The following SLC24A2 variants were observed in gnomAD, a reference collection of about 807,000 sequenced individuals.
The protein encoded by SLC24A2 is sodium/potassium/calcium exchanger 2.
A neutral mutation model predicts 62.0 loss-of-function variants in SLC24A2; 36 were observed. That is an observed-to-expected ratio of 0.58 (90% CI 0.44 to 0.77). The LOEUF is 0.77. Among genes scored for constraint, SLC24A2 ranks in the 30% least tolerant of loss-of-function variants. The pLI, the probability that SLC24A2 is intolerant of heterozygous loss-of-function variation, is 0.00. For missense variants in SLC24A2, 846 were observed against 817.9 expected (o/e 1.03, Z -0.42); for synonymous variants, 358 against 294.0 (o/e 1.22, Z -2.23).
At chr9:19,801,882 C>T in the SLC24A2 span, among the ~76,000 whole-genome samples, 3 of 152,046 alleles carry the variant, frequency 2.0e-5, no homozygotes, top group Non-Finnish European at 2.9e-5. Context: ...TTCTATAAAC[C>T]AAGAACATAT....
chr9:20,234,799 G>A, the SLC24A2 span, among the ~76,000 whole-genome samples: 17 of 152,288 alleles, frequency 1.1e-4, 1 homozygote, highest in South Asian at 4.1e-4. Context: ...GAGGAGAGGC[G>A]CTCTGATTTT....
At chr9:19,532,127 G>A (rs760369956) in intron 8 of SLC24A2, among the ~76,000 whole-genome samples, 1 of 152,076 alleles carries the variant, frequency 6.6e-6, no homozygotes, top group South Asian at 2.1e-4. Context: ...TTGTTGCCCA[G>A]GCTGGAGTGC....
At chr9:20,045,612 T>C in the SLC24A2 span, among the ~76,000 whole-genome samples, 1 of 151,994 alleles carries the variant, frequency 6.6e-6, no homozygotes, top group African/African-American at 2.4e-5. Flanking sequence ...TTTGTGTTTT[T>C]AGTAGAGGCG....
chr9:20,176,316 T>A, the SLC24A2 span, among the ~76,000 whole-genome samples: 3 of 152,092 alleles, frequency 2.0e-5, no homozygotes, highest in African/African-American at 7.2e-5. Flanking sequence ...AAATGATTTA[T>A]GATTTATAAC....
intron 7 of SLC24A2, among the ~76,000 whole-genome samples, chr9:19,562,964 G>T (rs1269591123): frequency 1.3e-5 from 2 of 152,050 alleles, no homozygotes; most frequent in African/African-American, 2.4e-5. Flanking sequence ...AAATTAACTG[G>T]GCATGGTGGT....
the SLC24A2 span, among the ~76,000 whole-genome samples, chr9:19,813,903 C>T: frequency 6.6e-6 from 1 of 152,072 alleles, no homozygotes; most frequent in Non-Finnish European, 1.5e-5. Flanking sequence ...ATCTCAGGCA[C>T]CTTGATCTTG....
At chr9:20,012,907 C>G in the SLC24A2 span, among the ~76,000 whole-genome samples, 35 of 149,460 alleles carry the variant, frequency 2.3e-4, no homozygotes, top group Non-Finnish European at 3.3e-4. Flanking sequence ...AAAAAAAAAA[C>G]CACAAATAAA....
chr9:19,906,789 C>A, the SLC24A2 span, among the ~76,000 whole-genome samples: 1 of 152,184 alleles, frequency 6.6e-6, no homozygotes, highest in African/African-American at 2.4e-5. Flanking sequence ...GAAGTTGAAT[C>A]TCTGAATAGA....
rs376395780 is a variant in SLC24A2 at position 19,778,591 on chromosome 9, C to T, written c.930+7346G>A. Among the ~76,000 whole-genome samples the T allele has an allele frequency of 1.3e-4, 20 of 152,226 alleles. 1 individual carries two copies. The highest frequency in any genetic ancestry group is 3.6e-4 in the African/African-American group (15 of 41,546). ...CCTTAAGAATTTTTAAGCACAGGCTCGCTCATACGGGTTTGCAGTCTGAAT... is the reference window on the plus strand; with the variant it reads ...CCTTAAGAATTTTTAAGCACAGGCTTGCTCATACGGGTTTGCAGTCTGAAT... On this transcript the variant is annotated intron_variant, in intron 2 of 10. Coordinates refer to ENST00000341998, the MANE Select transcript of SLC24A2 (RefSeq NM_020344.4).
chr9:19,909,146 G>A, the SLC24A2 span, among the ~76,000 whole-genome samples: 3 of 152,162 alleles, frequency 2.0e-5, no homozygotes, highest in Admixed American at 2.0e-4. Context: ...GGAATACTAT[G>A]CAGCCATAAT....
At chr9:20,023,190 G>C in the SLC24A2 span, among the ~76,000 whole-genome samples, 16 of 152,294 alleles carry the variant, frequency 1.1e-4, no homozygotes, top group East Asian at 3.1e-3. Flanking sequence ...TGAGTACATG[G>C]AAATAAAATG....
chr9:20,189,092 T>TTTTCTTTTTTTTTTTTTTTTC, the SLC24A2 span, among the ~76,000 whole-genome samples: 1 of 142,862 alleles, frequency 7.0e-6, no homozygotes, highest in Non-Finnish European at 1.5e-5. Context: ...TTTTTTTTTT[T>TTTTCTTTTTTTTTTTTTTTTC]CCCAGTTGAT....
chr9:19,652,064 A>T (rs146638404), intron 2 of SLC24A2, among the ~76,000 whole-genome samples: 2 of 152,354 alleles, frequency 1.3e-5, no homozygotes, highest in African/African-American at 4.8e-5. Flanking sequence ...AGTGTTCTGC[A>T]TAGAGAGGAA....
chr9:19,607,387 C>T (rs1468479102), intron 4 of SLC24A2, among the ~76,000 whole-genome samples: 2 of 152,084 alleles, frequency 1.3e-5, no homozygotes, highest in African/African-American at 4.8e-5. Context: ...CCTTTTCCTT[C>T]TTCATGATAT....
At chr9:20,122,678 T>A in the SLC24A2 span, among the ~76,000 whole-genome samples, 1 of 152,110 alleles carries the variant, frequency 6.6e-6, no homozygotes, top group African/African-American at 2.4e-5. Context: ...AGAGCTAGAC[T>A]CTGTCTCGAA....
chr9:20,032,784 A>G, the SLC24A2 span, among the ~76,000 whole-genome samples: 3 of 152,224 alleles, frequency 2.0e-5, no homozygotes, highest in Non-Finnish European at 4.4e-5. Context: ...AGTAAGGAAC[A>G]GGAAGGACCC....
chr9:20,186,693 GA>G, the SLC24A2 span, among the ~76,000 whole-genome samples: 7 of 149,552 alleles, frequency 4.7e-5, no homozygotes, highest in African/African-American at 7.4e-5. Context: ...TTTCTCATCT[GA>G]AAAAAAAAGA....
At chr9:19,998,561 A>C in the SLC24A2 span, among the ~76,000 whole-genome samples, 1 of 152,226 alleles carries the variant, frequency 6.6e-6, no homozygotes, top group Non-Finnish European at 1.5e-5. Flanking sequence ...CAGCTTCCTC[A>C]GAAGCTTATG....
chr9:19,859,659 G>A, the SLC24A2 span, among the ~76,000 whole-genome samples: 1 of 152,062 alleles, frequency 6.6e-6, no homozygotes, highest in African/African-American at 2.4e-5. Flanking sequence ...CACAATACCT[G>A]GTTTTAATTT....
Sources: allele counts gnomAD v4.1 joint callset (sites outside exome capture counted in the v4.1 genomes callset), GRCh38; gene constraint gnomAD v4.1.1; transcripts MANE v1.5; gene names NCBI Gene and HGNC (gene_info 2026-07-23, HGNC 2026-07-21).